Variants in NCBP2L observed in about 807,000 individuals in gnomAD.
NCBP2L encodes the protein nuclear cap-binding protein subunit 2-like.
For missense variants in NCBP2L, 95 were observed against 53.1 expected, an observed-to-expected ratio of 1.79 and a Z score of -2.45; for synonymous variants, 39 against 19.2, an observed-to-expected ratio of 2.04 and a Z score of -2.70.
intron 1 of NCBP2L, among the ~76,000 whole-genome samples, chrX:107,790,355 A>C (rs769931072): frequency 9.0e-6 from 1 of 111,211 alleles, no homozygotes; most frequent in South Asian, 3.8e-4. Flanking sequence ...CCCTTAGTCT[A>C]TCCTTCACAC....
chrX:107,780,348 T>TA (rs1930249414), intron 1 of NCBP2L, among the ~76,000 whole-genome samples: 1 of 111,081 alleles, frequency 9.0e-6, no homozygotes, highest in African/African-American at 3.3e-5. Flanking sequence ...CCAACCTCCT[T>TA]ATATATATTA....
At chrX:107,782,363 AT>A (rs1930334253) in intron 1 of NCBP2L, among the ~76,000 whole-genome samples, 1 of 44,821 alleles carries the variant, frequency 2.2e-5, no homozygotes, top group Non-Finnish European at 3.1e-5. Flanking sequence ...ATATATATAT[AT>A]ATAAATATAT....
At chrX:107,788,224 T>C (rs1469441827) in intron 1 of NCBP2L, among the ~76,000 whole-genome samples, 3 of 111,830 alleles carry the variant, frequency 2.7e-5, no homozygotes, top group African/African-American at 9.8e-5. Flanking sequence ...CTTTAACCTT[T>C]GGGGATGTTA....
intron 1 of NCBP2L, among the ~76,000 whole-genome samples, chrX:107,782,351 AAATAT>A (rs1930332936): frequency 7.2e-5 from 3 of 41,816 alleles, no homozygotes; most frequent in Non-Finnish European, 9.9e-5. Context: ...ATATATATAT[AAATAT>A]ATATATATAT....
rs867462495 is a variant in NCBP2L at position 107,794,198 on chromosome X, C to T, written c.-23C>T. ...GCCAAGCTGGACCGAAAACGGCCAT[C>T]GGCATGCTGCCCAACCAGCACCATG... On this transcript the variant is annotated 5_prime_UTR_variant, in exon 2 of 2. Coordinates refer to ENST00000509000, the MANE Select transcript of NCBP2L (RefSeq NM_001348372.2). The T allele has an allele frequency of 4.0e-6, 2 of 503,736 alleles. No individual in the cohort carries two copies. Among genetic ancestry groups the T allele is most frequent in the South Asian group, 5.9e-5 (2 of 33,829 alleles). The allele number at this position is 503,736 out of a possible 1,213,427, so 41.5% of individuals were successfully genotyped here.
chrX:107,782,274 TAA>T lies in NCBP2L; in HGVS notation c.-73+4418_-73+4419del, dbSNP rs1206162848. On this transcript the variant is annotated intron_variant, in intron 1 of 1. Transcript: ENST00000509000. ...AAATATATATATAAATATATATATATAAATATATATAAATATATATATATAAA... is the reference window on the plus strand; with the variant it reads ...AAATATATATATAAATATATATATATATATATATAAATATATATATATAAA... Among the ~76,000 whole-genome samples, 16 of 21,267 alleles carry T rather than the reference TAA, an allele frequency of 7.5e-4. 2 individuals carry two copies. The highest frequency in any genetic ancestry group is 7.0e-3 in the African/African-American group (11 of 1,576). 18.5% of individuals were successfully genotyped at this position (21,267 alleles called of 115,157 possible).
rs750698143 is a variant in NCBP2L, at chrX:107,780,919, C to T, written c.-73+3061C>T. On this transcript the variant is annotated intron_variant, in intron 1 of 1. Coordinates refer to ENST00000509000, the MANE Select transcript of NCBP2L (RefSeq NM_001348372.2). ...CTGGGATTACAGGAGCCACCAAGCC[C>T]GGCCTTATTATTATTATAATTATTG... is the stretch of plus-strand genomic sequence containing the variant. Among the ~76,000 whole-genome samples the T allele has an allele frequency of 6.5e-5, 7 of 108,275 alleles. No individual in the cohort carries two copies. The East Asian group carries it at 1.2e-3, about 18-fold the overall frequency. 94.0% of individuals were successfully genotyped at this position (108,275 alleles called of 115,157 possible). A position where few individuals can be genotyped will look rare whatever the true frequency, so the allele number is the denominator to read the frequency against.
intron 1 of NCBP2L, among the ~76,000 whole-genome samples, chrX:107,782,209 AAATATATATATAAAT>A (rs1930307351): frequency 1.9e-4 from 4 of 21,572 alleles, no homozygotes; most frequent in African/African-American, 8.6e-4. Context: ...ATATATATAT[AAATATATATATAAAT>A]ATATATATAT....
rs1930261331 is a variant in NCBP2L at position 107,781,219 on chromosome X, T to C, written c.-73+3361T>C. 2.0e-5 allele frequency among the ~76,000 whole-genome samples: 2 copies of C among 102,358 alleles called. 1 individual carries two copies. Among genetic ancestry groups the C allele is most frequent in the Non-Finnish European group, 4.0e-5 (2 of 49,873 alleles). 88.9% of individuals were successfully genotyped at this position (102,358 alleles called of 115,157 possible). Reference sequence around the variant, plus strand: ...AGGCATGAGCCATGAAGGCCGGCTTTTTTTTTTTTTTTTTTGGACAGTATT... The same window carrying C: ...AGGCATGAGCCATGAAGGCCGGCTTCTTTTTTTTTTTTTTTGGACAGTATT... On this transcript the variant is annotated intron_variant, in intron 1 of 1. Coordinates refer to ENST00000509000, the MANE Select transcript of NCBP2L (RefSeq NM_001348372.2).
chrX:107,781,847 T>G (rs866371479), intron 1 of NCBP2L, among the ~76,000 whole-genome samples: 24 of 97,796 alleles, frequency 2.5e-4, no homozygotes, highest in African/African-American at 3.7e-4. Flanking sequence ...TATATATTTA[T>G]ATATATATAT....
chrX:107,793,293 G>T (rs1045792822), intron 1 of NCBP2L, among the ~76,000 whole-genome samples: 1 of 111,373 alleles, frequency 9.0e-6, no homozygotes, highest in African/African-American at 3.3e-5. Flanking sequence ...AGAGTGGGCT[G>T]CAAGAATCTG....
rs1417270792 is a variant in NCBP2L at position 107,782,210 on chromosome X, A to AAT, written c.-73+4362_-73+4363dup. Among the ~76,000 whole-genome samples, 35 of 7,054 alleles carry AAT rather than the reference A, an allele frequency of 5.0e-3. 1 individual carries two copies. Among genetic ancestry groups the AAT allele is most frequent in the African/African-American group, 0.015 (25 of 1,700 alleles). The allele number at this position is 7,054 out of a possible 115,157, so 6.1% of individuals were successfully genotyped here. A position where few individuals can be genotyped will look rare whatever the true frequency, so the allele number is the denominator to read the frequency against. Reference sequence around the variant, plus strand: ...ATATATATATAAATATATATATATAAATATATATATAAATATATATATATA... The same window carrying AAT: ...ATATATATATAAATATATATATATAAATATATATATATAAATATATATATATA... On this transcript the variant is annotated intron_variant, in intron 1 of 1. Transcript: ENST00000509000.
chrX:107,780,832 G>C (rs185483505), intron 1 of NCBP2L, among the ~76,000 whole-genome samples: 1 of 109,261 alleles, frequency 9.2e-6, no homozygotes, highest in South Asian at 4.0e-4. Flanking sequence ...GTTGCTCCAT[G>C]TTGCCCAGGC....
At chrX:107,781,676 A>ATCTC (rs1252852252) in intron 1 of NCBP2L, among the ~76,000 whole-genome samples, 8 of 55,885 alleles carry the variant, frequency 1.4e-4, no homozygotes, top group Admixed American at 9.4e-4. Context: ...CTATCTATCT[A>ATCTC]TCTCTCTCTC....
chrX:107,786,538 G>A (rs1930394808), intron 1 of NCBP2L, among the ~76,000 whole-genome samples: 1 of 111,212 alleles, frequency 9.0e-6, no homozygotes, highest in Non-Finnish European at 1.9e-5. Flanking sequence ...AAAGACTCAT[G>A]GGGACTTTGA....
intron 1 of NCBP2L, among the ~76,000 whole-genome samples, chrX:107,792,020 T>C (rs1930458502): frequency 8.9e-6 from 1 of 112,258 alleles, no homozygotes; most frequent in Admixed American, 9.5e-5. Context: ...CCCATTGTCT[T>C]TGGACTGCTC....
chrX:107,779,784 G>C (rs761002984), intron 1 of NCBP2L, among the ~76,000 whole-genome samples: 1 of 75,170 alleles, frequency 1.3e-5, no homozygotes, highest in South Asian at 8.6e-4. Flanking sequence ...TCGCTCTGTC[G>C]CCCAGGCTGG....
At chrX:107,792,640 A>C (rs910974054) in intron 1 of NCBP2L, among the ~76,000 whole-genome samples, 27 of 111,516 alleles carry the variant, frequency 2.4e-4, no homozygotes, top group Admixed American at 2.2e-3. Context: ...GCCCTTGCAC[A>C]TGTTCCCTCT....
chrX:107,788,354 G>T (rs2068843829), intron 1 of NCBP2L, among the ~76,000 whole-genome samples: 1 of 112,201 alleles, frequency 8.9e-6, no homozygotes, highest in Non-Finnish European at 1.9e-5. Context: ...TGCTAAAAAA[G>T]AATTGTAATC....
Sources: gnomAD v4.1 joint callset for allele counts (sites outside exome capture counted in the v4.1 genomes callset) on GRCh38, gnomAD v4.1.1 for gene constraint, MANE v1.5 for transcripts, NCBI Gene and HGNC (gene_info 2026-07-23, HGNC 2026-07-21) for gene names.